C1QTNF3: variants seen among roughly 807,000 people sequenced by gnomAD.
The protein encoded by C1QTNF3 is C1q and TNF related 3.
C1QTNF3 carries 26 observed loss-of-function variants against 32.6 expected under a neutral mutation model. The ratio of observed to expected loss-of-function variants is 0.80; its 90% confidence interval spans 0.58 to 1.11. The LOEUF (loss-of-function observed/expected upper bound fraction) is 1.11, where lower values mean the gene tolerates loss of function less well. C1QTNF3 is among the 50% of genes least tolerant of loss of function. C1QTNF3 has a pLI of 0.00. For synonymous variants in C1QTNF3, 155 were observed against 146.0 expected, an observed-to-expected ratio of 1.06 and a Z score of -0.44; for missense variants, 362 against 398.2, an observed-to-expected ratio of 0.91 and a Z score of 0.77.
chr5:34,028,288 G>A (rs1015938162), intron 4 of C1QTNF3, among the ~76,000 whole-genome samples: 1 of 151,996 alleles, frequency 6.6e-6, no homozygotes, highest in Non-Finnish European at 1.5e-5. Flanking sequence ...TTTTAAATAA[G>A]TAAATGTATT....
At chr5:34,126,560 T>TA in the C1QTNF3 span, among the ~76,000 whole-genome samples, 2 of 142,518 alleles carry the variant, frequency 1.4e-5, no homozygotes, top group African/African-American at 5.0e-5. Flanking sequence ...AGCTAAAAAT[T>TA]AAATTACCAT....
the C1QTNF3 span, among the ~76,000 whole-genome samples, chr5:34,139,106 C>T: frequency 6.6e-6 from 1 of 152,038 alleles, no homozygotes; most frequent in Admixed American, 6.5e-5. Context: ...ACATATTGTA[C>T]ACATTTCTAT....
the C1QTNF3 span, among the ~76,000 whole-genome samples, chr5:34,143,129 A>G: frequency 6.6e-6 from 1 of 152,262 alleles, no homozygotes; most frequent in Non-Finnish European, 1.5e-5. Flanking sequence ...ACTACAAGAT[A>G]TATAATCGGA....
At chr5:34,136,130 A>G in the C1QTNF3 span, among the ~76,000 whole-genome samples, 1 of 152,224 alleles carries the variant, frequency 6.6e-6, no homozygotes, top group African/African-American at 2.4e-5. Flanking sequence ...AATGGCAACA[A>G]AAGCCAAAAT....
the C1QTNF3 span, among the ~76,000 whole-genome samples, chr5:34,162,352 A>T: frequency 2.0e-5 from 3 of 152,180 alleles, no homozygotes; most frequent in Admixed American, 2.0e-4. Context: ...AACCCACTCC[A>T]AGGAAAATGA....
the C1QTNF3 span, among the ~76,000 whole-genome samples, chr5:34,081,712 T>G: frequency 6.6e-6 from 1 of 151,550 alleles, no homozygotes; most frequent in Non-Finnish European, 1.5e-5. Flanking sequence ...GAGCCTAACT[T>G]TCTCTAGTGA....
intron 3 of C1QTNF3, among the ~76,000 whole-genome samples, chr5:34,031,697 T>C (rs1359036380): frequency 6.6e-6 from 1 of 152,120 alleles, no homozygotes; most frequent in Non-Finnish European, 1.5e-5. Context: ...TAGCCGGGCA[T>C]GGTGTCACGC....
At chr5:34,223,531 A>G in the C1QTNF3 span, among the ~76,000 whole-genome samples, 1 of 151,640 alleles carries the variant, frequency 6.6e-6, no homozygotes, top group East Asian at 1.9e-4. Context: ...TTGGGTATAT[A>G]CCCAGTAATG....
chr5:34,182,474 C>CAAATAAATAAAT, the C1QTNF3 span, among the ~76,000 whole-genome samples: 10 of 143,276 alleles, frequency 7.0e-5, no homozygotes, highest in Non-Finnish European at 1.1e-4. Flanking sequence ...GAGACCATCA[C>CAAATAAATAAAT]AAATAAATAA....
the C1QTNF3 span, chr5:34,124,488 T>C: frequency 4.2e-6 from 3 of 715,508 alleles, no homozygotes; most frequent in South Asian, 4.5e-5. Context: ...CCCGTCACGA[T>C]GAGACCAGGA....
rs1055414953 is a variant in C1QTNF3 at position 34,017,929 on chromosome 5, T to A, written c.*2654A>T. Reference sequence around the variant, plus strand: ...CATATTATTTGTAATAAAAAAAAAATAATATTTTCCAAAACAGGAAAGTTA... The same window carrying A: ...CATATTATTTGTAATAAAAAAAAAAAAATATTTTCCAAAACAGGAAAGTTA... On this transcript the variant is annotated 3_prime_UTR_variant, in exon 6 of 6. Transcript: ENST00000382065. 2.7e-5 allele frequency among the ~76,000 whole-genome samples: 4 copies of A among 150,324 alleles called. No homozygotes were observed. Among genetic ancestry groups the A allele is most frequent in the African/African-American group, 7.4e-5 (3 of 40,806 alleles).
chr5:34,141,333 T>C, the C1QTNF3 span, among the ~76,000 whole-genome samples: 1 of 152,128 alleles, frequency 6.6e-6, no homozygotes. Flanking sequence ...TTAGCCAGGA[T>C]AGTCTCGATC....
chr5:34,138,805 T>C, the C1QTNF3 span, among the ~76,000 whole-genome samples: 4 of 152,198 alleles, frequency 2.6e-5, no homozygotes, highest in Non-Finnish European at 5.9e-5. Flanking sequence ...TGAGCACTTC[T>C]TGTGTATAAA....
At chr5:34,078,464 A>G in the C1QTNF3 span, among the ~76,000 whole-genome samples, 1 of 151,818 alleles carries the variant, frequency 6.6e-6, no homozygotes, top group South Asian at 2.1e-4. The surrounding 1 kb of genome is among the most constrained non-coding windows in gnomAD (Gnocchi z 4.0). Context: ...AGGCAGGAGG[A>G]GAGAAGGAGA....
At chr5:34,157,069 A>T in the C1QTNF3 span, among the ~76,000 whole-genome samples, 1 of 152,190 alleles carries the variant, frequency 6.6e-6, no homozygotes. Context: ...AATTTTTATG[A>T]CTATTGGAGT....
the C1QTNF3 span, among the ~76,000 whole-genome samples, chr5:34,130,808 C>T: frequency 2.0e-5 from 3 of 152,246 alleles, no homozygotes; most frequent in African/African-American, 7.2e-5. Context: ...AGGCCTCTCA[C>T]GGTGTGAGAC....
chr5:34,117,840 C>G, the C1QTNF3 span, among the ~76,000 whole-genome samples: 64 of 151,864 alleles, frequency 4.2e-4, no homozygotes, highest in African/African-American at 1.4e-3. Context: ...GCTTTGTTTC[C>G]ATCCCCATTC....
At chr5:34,213,054 A>T in the C1QTNF3 span, among the ~76,000 whole-genome samples, 2 of 152,270 alleles carry the variant, frequency 1.3e-5, no homozygotes, top group East Asian at 3.8e-4. Context: ...AAAACAACTA[A>T]GAGTGGATTT....
chr5:34,038,106 G>A (rs534796413), intron 1 of C1QTNF3, among the ~76,000 whole-genome samples: 16 of 152,286 alleles, frequency 1.1e-4, no homozygotes, highest in African/African-American at 3.9e-4. Context: ...TAGAGAAGTC[G>A]CTGTTCTCCA....
Sources: allele counts gnomAD v4.1 joint callset (sites outside exome capture counted in the v4.1 genomes callset), GRCh38; gene constraint gnomAD v4.1.1; non-coding constraint Gnocchi (gnomAD v3.1); transcripts MANE v1.5; gene names NCBI Gene and HGNC (gene_info 2026-07-23, HGNC 2026-07-21).